The following OLFM2 variants were observed in gnomAD, a reference collection of about 807,000 sequenced individuals.
OLFM2 encodes the protein noelin-2.
A neutral mutation model predicts 43.9 loss-of-function variants in OLFM2; 20 were observed. The ratio of observed to expected loss-of-function variants is 0.46; its 90% CI spans 0.32 to 0.66. The LOEUF (loss-of-function observed/expected upper bound fraction) is 0.66. Ranked by LOEUF, OLFM2 falls within the 30% of genes least tolerant of loss-of-function variation. The probability of loss-of-function intolerance (pLI) is 0.04; values close to 1 mark genes in which losing one functional copy is unlikely to be tolerated. For synonymous variants in OLFM2, 268 were observed against 278.6 expected, an observed-to-expected ratio of 0.96 and a Z score of 0.38; for missense variants, 416 against 643.6, an observed-to-expected ratio of 0.65 and a Z score of 3.83.
intron 1 of OLFM2, among the ~76,000 whole-genome samples, chr19:9,887,811 TCA>T (rs2046601157): frequency 3.3e-5 from 5 of 152,042 alleles, no homozygotes; most frequent in Non-Finnish European, 7.4e-5. Context: ...GGCCAGAGGA[TCA>T]CTTGAGCCCA....
intron 1 of OLFM2, among the ~76,000 whole-genome samples, chr19:9,880,921 A>G (rs1599477826): frequency 6.6e-6 from 1 of 152,228 alleles, no homozygotes; most frequent in East Asian, 1.9e-4. Flanking sequence ...TTTCTGAGAC[A>G]GAGTCTTGCT....
At chr19:9,898,163 G>A (rs765687600) in intron 1 of OLFM2, among the ~76,000 whole-genome samples, 4 of 142,528 alleles carry the variant, frequency 2.8e-5, no homozygotes, top group Admixed American at 1.5e-4. Context: ...CACCCACCTC[G>A]GCCTCCCAAA....
intron 1 of OLFM2, among the ~76,000 whole-genome samples, chr19:9,906,878 C>T (rs937192602): frequency 6.6e-6 from 1 of 152,190 alleles, no homozygotes. Flanking sequence ...CTCCCTCCCC[C>T]AATCACTCTT....
intron 1 of OLFM2, among the ~76,000 whole-genome samples, chr19:9,914,521 C>G (rs551253276): frequency 6.6e-6 from 1 of 152,014 alleles, no homozygotes; most frequent in East Asian, 1.9e-4. Flanking sequence ...CCCACGACTA[C>G]CAAGGGCAGT....
rs747006813 is a variant in OLFM2 at position 9,915,496 on chromosome 19, T to TTTTTTTAA, written c.63+20807_63+20808insTTAAAAAA. 4.3e-3 allele frequency among the ~76,000 whole-genome samples: 407 copies of TTTTTTTAA among 94,194 alleles called. 2 individuals carry two copies. The highest frequency in any genetic ancestry group is 0.01 in the African/African-American group (364 of 35,690). 61.8% of individuals were successfully genotyped at this position (94,194 alleles called of 152,430 possible). On this transcript the variant is annotated intron_variant, in intron 1 of 5. Coordinates refer to ENST00000264833, the MANE Select transcript of OLFM2 (RefSeq NM_058164.4). ...ACAGAGTGATTGGAGAAAGGGACTT[T>TTTTTTTAA]TTTATTTATTTATTTATTTATTTAT...
chr19:9,924,267 G>A (rs866508089), intron 1 of OLFM2, among the ~76,000 whole-genome samples: 9 of 150,854 alleles, frequency 6.0e-5, no homozygotes, highest in African/African-American at 1.7e-4. Flanking sequence ...TTACCTGGGC[G>A]TGGTGGCGGG....
chr19:9,881,767 G>T (rs1032641784), intron 1 of OLFM2, among the ~76,000 whole-genome samples: 2 of 151,868 alleles, frequency 1.3e-5, no homozygotes, highest in African/African-American at 2.4e-5. Context: ...CAAAGTGCTG[G>T]GACGACAGGT....
At chr19:9,872,065 G>A (rs1175498649) in intron 1 of OLFM2, among the ~76,000 whole-genome samples, 2 of 152,300 alleles carry the variant, frequency 1.3e-5, no homozygotes, top group Admixed American at 6.5e-5. Context: ...CAGGAGGGCC[G>A]TGATGAATGA....
At chr19:9,913,375 C>A in intron 1 of OLFM2, 5 of 577,640 alleles carry the variant, frequency 8.7e-6, no homozygotes, top group Non-Finnish European at 9.0e-6. Context: ...GTGGGAAGCA[C>A]AGGGGTAGAG....
chr19:9,882,318 C>CACTT (rs2046546530), intron 1 of OLFM2, among the ~76,000 whole-genome samples: 1 of 150,434 alleles, frequency 6.6e-6, no homozygotes, highest in African/African-American at 2.5e-5. Context: ...GTGGGTGGAT[C>CACTT]GTGAGGTCAG....
At chr19:9,863,010 G>A (rs2046375798) in intron 1 of OLFM2, among the ~76,000 whole-genome samples, 1 of 151,724 alleles carries the variant, frequency 6.6e-6, no homozygotes. Context: ...AAAGGATGTG[G>A]GGGGACGTGA....
intron 1 of OLFM2, among the ~76,000 whole-genome samples, chr19:9,890,379 G>A (rs1405786792): frequency 6.6e-6 from 1 of 152,156 alleles, no homozygotes; most frequent in Non-Finnish European, 1.5e-5. Context: ...GGGGGAGGGG[G>A]CGGGCACTGT....
chr19:9,919,158 G>A (rs1045646327), intron 1 of OLFM2, among the ~76,000 whole-genome samples: 4 of 148,152 alleles, frequency 2.7e-5, no homozygotes, highest in Middle Eastern at 3.5e-3. Flanking sequence ...GCAACGCAGT[G>A]AGACCTCATT....
chr19:9,891,783 C>T (rs2046642381), intron 1 of OLFM2, among the ~76,000 whole-genome samples: 1 of 152,114 alleles, frequency 6.6e-6, no homozygotes, highest in South Asian at 2.1e-4. Context: ...ACAGCAAAAC[C>T]TAGCCTATGC....
chr19:9,861,537 G>T (rs1459368394), intron 1 of OLFM2, among the ~76,000 whole-genome samples: 2 of 152,172 alleles, frequency 1.3e-5, no homozygotes, highest in Non-Finnish European at 2.9e-5. Flanking sequence ...GCAAAGTGAT[G>T]GCAGACAAAA....
At chr19:9,912,282 G>T (rs1165420968) in intron 1 of OLFM2, among the ~76,000 whole-genome samples, 1 of 152,140 alleles carries the variant, frequency 6.6e-6, no homozygotes, top group Non-Finnish European at 1.5e-5. Flanking sequence ...CCCACCAGGG[G>T]CTGGACAAAG....
chr19:9,902,229 C>T lies in OLFM2; in HGVS notation c.63+34075G>A, dbSNP rs543303641. Among the ~76,000 whole-genome samples, 19 of 151,264 alleles carry T rather than the reference C, an allele frequency of 1.3e-4. No individual in the cohort carries two copies. The East Asian group carries it at 3.2e-3, about 25-fold the overall frequency. On this transcript the variant is annotated intron_variant, in intron 1 of 5. Coordinates refer to ENST00000264833, the MANE Select transcript of OLFM2 (RefSeq NM_058164.4). ...ATTTTTAGTAGAGGCGGGGTTTCAC[C>T]GTGTTAACCAGGAGGGTCTCGATCT... is the stretch of plus-strand genomic sequence containing the variant.
chr19:9,928,430 T>C (rs2086465194), intron 1 of OLFM2, among the ~76,000 whole-genome samples: 1 of 151,498 alleles, frequency 6.6e-6, no homozygotes, highest in South Asian at 2.1e-4. Context: ...AGTTACTAGC[T>C]GCCCAGGATT....
chr19:9,903,585 C>G (rs1156627089), intron 1 of OLFM2, among the ~76,000 whole-genome samples: 1 of 152,184 alleles, frequency 6.6e-6, no homozygotes, highest in Non-Finnish European at 1.5e-5. Flanking sequence ...CCCCAACGAA[C>G]TCATTAGCAT....
Sources: gnomAD v4.1 joint callset for allele counts (sites outside exome capture counted in the v4.1 genomes callset) on GRCh38, gnomAD v4.1.1 for gene constraint, MANE v1.5 for transcripts, NCBI Gene and HGNC (gene_info 2026-07-23, HGNC 2026-07-21) for gene names.